PLEKHA5: variants seen among roughly 807,000 people sequenced by gnomAD.
PLEKHA5 encodes the protein pleckstrin homology domain-containing family A member 5.
Under a neutral mutation model 181.9 loss-of-function variants are expected in PLEKHA5, and 55 were observed. The observed-to-expected ratio is 0.30, with a 90% CI of 0.24 to 0.38. The LOEUF is 0.38. PLEKHA5 is among the 10% of genes least tolerant of loss of function. The probability of loss-of-function intolerance (pLI) is 1.00; values close to 1 mark genes in which losing one functional copy is unlikely to be tolerated. For synonymous variants in PLEKHA5, 535 were observed against 529.4 expected (o/e 1.01, Z -0.15); for missense variants, 1,432 against 1,549.5 (o/e 0.92, Z 1.27).
chr12:19,310,234 T>C (rs1469199854), intron 15 of PLEKHA5, among the ~76,000 whole-genome samples: 1 of 152,234 alleles, frequency 6.6e-6, no homozygotes, highest in Non-Finnish European at 1.5e-5. Context: ...ATGTAGACTG[T>C]TAACACCACT....
chr12:19,130,174 C>A lies in PLEKHA5; in HGVS notation c.169+44C>A, dbSNP rs2033056983. 2 of 1,315,408 alleles carry A rather than the reference C, an allele frequency of 1.5e-6. No homozygotes were observed. The highest frequency in any genetic ancestry group is 2.1e-6 in the Non-Finnish European group (2 of 966,204). The allele number at this position is 1,315,408 out of a possible 1,614,324, so 81.5% of individuals were successfully genotyped here. A position where few individuals can be genotyped will look rare whatever the true frequency, so the allele number is the denominator to read the frequency against. On this transcript the variant is annotated intron_variant, in intron 2 of 31. Coordinates refer to ENST00000429027, the MANE Select transcript of PLEKHA5 (RefSeq NM_001256470.2). The surrounding 1 kb of genome is among the most constrained non-coding windows in gnomAD (Gnocchi z 4.5). ...GGAGTTGGGCTCCGCCTGGAGGAGG[C>A]GGCAGAGCCCGGGCCGCCCGGCTCC...
At chr12:19,205,417 C>A in intron 3 of PLEKHA5, 1 of 980,692 alleles carries the variant, frequency 1.0e-6, no homozygotes, top group Non-Finnish European at 1.2e-6. Context: ...AAGAAAAGAA[C>A]ACAGATTTTT....
rs145963770 is a variant in PLEKHA5 at position 19,216,094 on chromosome 12, A to G, written c.228-37846A>G. ...CCGTTTCCCATTGTAAAAGGGAAAT[A>G]TAAGTTACCATGCTGTCAGAAAGAA... On this transcript the variant is annotated intron_variant, in intron 3 of 31. Transcript: ENST00000429027. Among the ~76,000 whole-genome samples, 609 of 152,340 alleles carry G rather than the reference A, an allele frequency of 4.0e-3. 1 individual carries two copies. The highest frequency in any genetic ancestry group is 0.014 in the African/African-American group (574 of 41,580).
chr12:19,273,990 A>G (rs1308998284), intron 10 of PLEKHA5, among the ~76,000 whole-genome samples: 10 of 152,218 alleles, frequency 6.6e-5, no homozygotes, highest in Non-Finnish European at 1.2e-4. Flanking sequence ...AGACTCCAAG[A>G]GCTCTAAAAT....
Position 19,283,644 on chromosome 12 carries a change from C to G in PLEKHA5, c.1678C>G (p.Gln560Glu), listed in dbSNP as rs1299743339. The change falls in exon 12 of 32, where the codon CAG (glutamine) becomes GAG (glutamate). Residue 560 changes from glutamine (Q) to glutamate (E), a missense_variant. By Grantham distance (29) the Gln-to-Glu change is conservative. This residue lies in a region of PLEKHA5 where 1,143 missense variants were observed against 1,168.4 expected (regional missense o/e 0.98). Transcript: ENST00000429027. ...SPSHGSIAAY[Q>E]GYSPQRTYRS... ...TTCCCACGGGTCAATAGCTGCTTATCAGGGATACTCCCCTCAACGAACTTA... is the reference window on the plus strand; with the variant it reads ...TTCCCACGGGTCAATAGCTGCTTATGAGGGATACTCCCCTCAACGAACTTA... 1 of 1,614,044 alleles carries G rather than the reference C, an allele frequency of 6.2e-7. No individual in the cohort carries two copies. The highest frequency in any genetic ancestry group is 8.5e-7 in the Non-Finnish European group (1 of 1,179,932).
chr12:19,273,184 C>CA (rs2152727838), intron 10 of PLEKHA5, among the ~76,000 whole-genome samples: 1 of 152,260 alleles, frequency 6.6e-6, no homozygotes, highest in African/African-American at 2.4e-5. Context: ...GCTGGGATTA[C>CA]AGGCATCAGT....
At chr12:19,209,784 A>G (rs745751951) in intron 3 of PLEKHA5, among the ~76,000 whole-genome samples, 1 of 152,206 alleles carries the variant, frequency 6.6e-6, no homozygotes, top group Non-Finnish European at 1.5e-5. Flanking sequence ...TGCTCAAGGC[A>G]TTTTCCTTGT....
intron 3 of PLEKHA5, chr12:19,150,175 G>C (rs1045395379): frequency 5.3e-5 from 8 of 152,182 alleles, no homozygotes; most frequent in African/African-American, 1.9e-4. Flanking sequence ...TGTGTGGGAT[G>C]ACCCTCTTTA....
chr12:19,134,048 A>G (rs943248300), intron 3 of PLEKHA5, among the ~76,000 whole-genome samples: 1 of 152,020 alleles, frequency 6.6e-6, no homozygotes, highest in Non-Finnish European at 1.5e-5. Flanking sequence ...TAACATTTCA[A>G]TTTTCAATAA....
intron 25 of PLEKHA5, 108 bp downstream of exon 25, chr12:19,348,627 CCCTTTATCTGAAA>C (rs1238828664): frequency 1.4e-5 from 10 of 725,560 alleles, no homozygotes; most frequent in Non-Finnish European, 1.7e-5. Flanking sequence ...ATGAGTCCAA[CCCTTTATCTGAAA>C]CCTTTGGACT....
At chr12:19,371,483 T>C in intron 31 of PLEKHA5, 1 of 153,074 alleles carries the variant, frequency 6.5e-6, no homozygotes, top group Non-Finnish European at 1.5e-5. Flanking sequence ...CTTCTGAGTC[T>C]CCAAAGTCCA....
intron 20 of PLEKHA5, among the ~76,000 whole-genome samples, chr12:19,325,505 C>T (rs2452179): frequency 0.15 from 23,316 of 151,134 alleles, 2,470 homozygotes; most frequent in East Asian, 0.29. Context: ...CTGGCTGACA[C>T]GGTGAAACCC....
chr12:19,349,316 G>A (rs543571553), intron 25 of PLEKHA5, among the ~76,000 whole-genome samples: 4 of 152,130 alleles, frequency 2.6e-5, no homozygotes, highest in East Asian at 1.9e-4. Flanking sequence ...AGGTCTTGCC[G>A]TGTTGCCTAA....
In PLEKHA5 at chr12:19,341,260, G is replaced by A. The variant is rs1259085324; in HGVS notation, c.2551-2063G>A. On this transcript the variant is annotated intron_variant, in intron 21 of 31. Coordinates refer to ENST00000429027, the MANE Select transcript of PLEKHA5 (RefSeq NM_001256470.2). ...TCGCTGCACTCCAGCCTGGGTGGCC[G>A]AGTGAGACTCAGCCTCAAAAAAAAT... 2.0e-5 allele frequency among the ~76,000 whole-genome samples: 3 copies of A among 152,106 alleles called. No homozygotes were observed. In the East Asian group the frequency reaches 5.8e-4, roughly 29 times the overall value.
chr12:19,251,739 CAAAAAAAAAAAAAAA>C (rs374276545), intron 3 of PLEKHA5, among the ~76,000 whole-genome samples: 2 of 65,626 alleles, frequency 3.0e-5, no homozygotes, highest in Admixed American at 1.9e-4. Context: ...GAGGCCCATC[CAAAAAAAAAAAAAAA>C]AAAAAAAAAC....
intron 29 of PLEKHA5, 101 bp from the exon 30 acceptor site, chr12:19,365,863 C>T (rs1236628771): frequency 1.3e-5 from 9 of 667,938 alleles, no homozygotes; most frequent in South Asian, 2.2e-5. Flanking sequence ...AGAAAATGTT[C>T]GTTGTTAAAC....
chr12:19,321,096 G>C (rs746264805), intron 18 of PLEKHA5, among the ~76,000 whole-genome samples: 2 of 151,742 alleles, frequency 1.3e-5, no homozygotes, highest in East Asian at 3.9e-4. Context: ...GAACCCAGGA[G>C]GGACAGGTGC....
At chr12:19,351,393 A>G (rs1473412990) in intron 25 of PLEKHA5, among the ~76,000 whole-genome samples, 3 of 152,142 alleles carry the variant, frequency 2.0e-5, no homozygotes, top group African/African-American at 7.2e-5. Context: ...TAAAAAATGT[A>G]TTTAGCTTTT....
chr12:19,313,388 T>A (rs768534165), intron 15 of PLEKHA5, among the ~76,000 whole-genome samples: 2 of 152,186 alleles, frequency 1.3e-5, no homozygotes, highest in Admixed American at 6.5e-5. Flanking sequence ...ATTTTTTGTT[T>A]AACTGATGTG....
Sources: allele counts gnomAD v4.1 joint callset (sites outside exome capture counted in the v4.1 genomes callset), GRCh38; gene constraint gnomAD v4.1.1; regional missense constraint gnomAD v4.1.1; non-coding constraint Gnocchi (gnomAD v3.1); transcripts MANE v1.5; gene names NCBI Gene and HGNC (gene_info 2026-07-23, HGNC 2026-07-21).